The following EHBP1 variants were observed in gnomAD, a reference collection of about 807,000 sequenced individuals.
EHBP1 encodes EH domain-binding protein 1.
A neutral mutation model predicts 144.0 loss-of-function variants in EHBP1; 55 were observed. The ratio of observed to expected loss-of-function variants is 0.38; its 90% CI spans 0.31 to 0.48. The LOEUF (loss-of-function observed/expected upper bound fraction) is 0.48, where lower values mean the gene tolerates loss of function less well. EHBP1 is among the 20% of genes least tolerant of loss of function. The pLI, the probability that EHBP1 is intolerant of heterozygous loss-of-function variation, is 0.98. For synonymous variants in EHBP1, 469 were observed against 472.7 expected (o/e 0.99, Z 0.10); for missense variants, 1,200 against 1,364.2 (o/e 0.88, Z 1.90).
chr2:62,906,744 C>A (rs1164325528), intron 10 of EHBP1, among the ~76,000 whole-genome samples: 2 of 152,166 alleles, frequency 1.3e-5, no homozygotes, highest in Non-Finnish European at 2.9e-5. Flanking sequence ...CAAAACATTT[C>A]TTTCACCACA....
chr2:62,812,901 AT>A (rs2045134437), intron 5 of EHBP1, among the ~76,000 whole-genome samples: 1 of 152,246 alleles, frequency 6.6e-6, no homozygotes, highest in Admixed American at 6.5e-5. Flanking sequence ...GTGAAAAGGC[AT>A]CTTTAGGAGA....
chr2:62,715,643 A>G (rs1290758515), intron 2 of EHBP1, among the ~76,000 whole-genome samples: 3 of 152,054 alleles, frequency 2.0e-5, no homozygotes, highest in Admixed American at 2.0e-4. Context: ...AAAGGAATGG[A>G]CCTGACTTCC....
intron 10 of EHBP1, among the ~76,000 whole-genome samples, chr2:62,874,945 C>A (rs1308002232): frequency 6.6e-6 from 1 of 152,054 alleles, no homozygotes; most frequent in Non-Finnish European, 1.5e-5. Context: ...CATTGATGGG[C>A]TTGTGCACAG....
intron 13 of EHBP1, 143 bp from the exon 14 acceptor site, chr2:62,955,374 T>C (rs2057632892): frequency 2.8e-6 from 2 of 708,866 alleles, no homozygotes; most frequent in Non-Finnish European, 4.4e-6. Context: ...TCAACATTAA[T>C]ATTCTCTATA....
intron 5 of EHBP1, among the ~76,000 whole-genome samples, chr2:62,820,736 TAATATATA>T (rs1376350297): frequency 4.1e-5 from 3 of 72,814 alleles, no homozygotes; most frequent in African/African-American, 1.1e-4. Context: ...TGTGTGTGTA[TAATATATA>T]TATATATATA....
chr2:62,948,534 A>G lies in EHBP1; in HGVS notation c.1688A>G (p.Gln563Arg). The part of the protein sequence containing the change: ...LSDLKREPEL[Q>R]QPISGAVDFL... ...GATCTGAAGCGGGAGCCTGAACTAC[A>G]ACAGCCTATCAGCGGAGCAGTAGAC... Residue 563 changes from glutamine (Q) to arginine (R), a missense_variant, in exon 13 of 23, where the codon CAA becomes CGA. This residue lies in a region of EHBP1 where 543 missense variants were observed against 513.1 expected (regional missense o/e 1.06). Transcript: ENST00000431489. The G allele has an allele frequency of 1.2e-6, 2 of 1,614,156 alleles. No individual in the cohort carries two copies. Among genetic ancestry groups the G allele is most frequent in the Non-Finnish European group, 1.7e-6 (2 of 1,179,988 alleles).
At chr2:63,026,003 T>C (rs368393756) in intron 19 of EHBP1, among the ~76,000 whole-genome samples, 5 of 152,206 alleles carry the variant, frequency 3.3e-5, no homozygotes, top group South Asian at 4.2e-4. Flanking sequence ...TTTGGGTGCA[T>C]TGAGGGGATT....
Position 63,045,575 on chromosome 2 carries a change from TTGA to T in EHBP1, c.*77_*79del. The T allele has an allele frequency of 8.0e-7, 1 of 1,257,424 alleles. No homozygotes were observed. Among genetic ancestry groups the T allele is most frequent in the Non-Finnish European group, 1.1e-6 (1 of 881,182 alleles). 77.9% of individuals were successfully genotyped at this position (1,257,424 alleles called of 1,614,324 possible). On this transcript the variant is annotated 3_prime_UTR_variant, in exon 23 of 23. Transcript: ENST00000431489. This position sits in a 1 kb window ranked among gnomAD's most constrained non-coding sequence, Gnocchi z 5.7. ...AAACCAGAAAAAGTCAGACTCATTG[TTGA>T]TTTAAAACTTTTAACATTTTGTTTG...
At chr2:62,852,699 G>GA (rs1054082093) in intron 7 of EHBP1, among the ~76,000 whole-genome samples, 8 of 149,754 alleles carry the variant, frequency 5.3e-5, no homozygotes, top group South Asian at 2.1e-4. Context: ...AGTAAAGAAT[G>GA]AAAAAAAAAT....
intron 10 of EHBP1, among the ~76,000 whole-genome samples, chr2:62,877,901 G>T (rs7585883): frequency 6.6e-6 from 1 of 152,174 alleles, no homozygotes; most frequent in East Asian, 1.9e-4. Context: ...AATTAACAAC[G>T]TTATACCACA....
intron 2 of EHBP1, among the ~76,000 whole-genome samples, chr2:62,710,006 C>T (rs1261165837): frequency 6.6e-6 from 1 of 152,040 alleles, no homozygotes; most frequent in African/African-American, 2.4e-5. Context: ...CCCTACTCTT[C>T]TTGTTGTCCT....
intron 7 of EHBP1, among the ~76,000 whole-genome samples, chr2:62,842,976 T>C (rs1286623577): frequency 1.3e-5 from 2 of 152,236 alleles, no homozygotes; most frequent in Non-Finnish European, 2.9e-5. Context: ...TTAGATTTCA[T>C]AGCTAAACCC....
Position 62,707,188 on chromosome 2 carries a change from C to A in EHBP1, c.-4C>A. ...GAACTGCTCCAGTGTCTTGACTGAT[C>A]ATCATGGCTTCAGTTTGGAAGAGAC... On this transcript the variant is annotated 5_prime_UTR_variant, in exon 2 of 23. Coordinates refer to ENST00000431489, the MANE Select transcript of EHBP1 (RefSeq NM_001142616.3). The A allele has an allele frequency of 1.9e-6, 3 of 1,613,492 alleles. No homozygotes were observed. Among genetic ancestry groups the A allele is most frequent in the Admixed American group, 3.3e-5 (2 of 60,030 alleles).
chr2:62,859,308 T>C lies in EHBP1; in HGVS notation c.757+17T>C. 6.3e-7 allele frequency: 1 copy of C among 1,593,772 alleles called. No individual in the cohort carries two copies. The highest frequency in any genetic ancestry group is 8.6e-7 in the Non-Finnish European group (1 of 1,166,734). Reference sequence around the variant, plus strand: ...ACTCAGAAGGTAGCAAGTTTTTCTGTAATTTTAAAGTCTTTGTATAGTCAA... The same window carrying C: ...ACTCAGAAGGTAGCAAGTTTTTCTGCAATTTTAAAGTCTTTGTATAGTCAA... On this transcript the variant is annotated intron_variant, in intron 8 of 22. Transcript: ENST00000431489.
In EHBP1 at chr2:62,864,998, C is replaced by T. The variant is rs776203485; in HGVS notation, c.998+27C>T. ...TAAGTACATTTCATTTTGCTGTCAT[C>T]ACAAGTTAGTCTCTATGTTACCTAA... is the stretch of plus-strand genomic sequence containing the variant. On this transcript the variant is annotated intron_variant, in intron 9 of 22. Transcript: ENST00000431489. 2.5e-6 allele frequency: 4 copies of T among 1,608,190 alleles called. No individual in the cohort carries two copies. The South Asian group carries it at 3.3e-5, about 13-fold the overall frequency.
rs374200949 is a variant in EHBP1, at chr2:62,728,730, T to A, written c.105-18665T>A. On this transcript the variant is annotated intron_variant, in intron 2 of 22. Transcript: ENST00000431489. ...GGTGTTTTTAAAAAAGGGCTTAATT[T>A]TCATAAAATGTAGTGTGTCTATTAA... is the stretch of plus-strand genomic sequence containing the variant. Among the ~76,000 whole-genome samples, 49 of 152,218 alleles carry A rather than the reference T, an allele frequency of 3.2e-4. No individual in the cohort carries two copies. The South Asian group carries it at 9.8e-3, about 30-fold the overall frequency.
intron 10 of EHBP1, among the ~76,000 whole-genome samples, chr2:62,922,147 C>G (rs1455882476): frequency 1.3e-5 from 2 of 152,082 alleles, no homozygotes; most frequent in African/African-American, 4.8e-5. Context: ...TGCACTCCAG[C>G]CTGAGCGACA....
intron 19 of EHBP1, among the ~76,000 whole-genome samples, chr2:63,011,199 G>C (rs999542200): frequency 6.7e-6 from 1 of 148,252 alleles, no homozygotes; most frequent in Non-Finnish European, 1.5e-5. Context: ...GGCACGTTGA[G>C]AAAAGAAGTT....
intron 6 of EHBP1, among the ~76,000 whole-genome samples, chr2:62,830,579 T>C (rs1395960908): frequency 1.3e-5 from 2 of 152,222 alleles, no homozygotes; most frequent in African/African-American, 4.8e-5. Context: ...GTGAATATTT[T>C]CTCCCACTCT....
Sources: allele counts gnomAD v4.1 joint callset (sites outside exome capture counted in the v4.1 genomes callset), GRCh38; gene constraint gnomAD v4.1.1; regional missense constraint gnomAD v4.1.1; non-coding constraint Gnocchi (gnomAD v3.1); transcripts MANE v1.5; gene names NCBI Gene and HGNC (gene_info 2026-07-23, HGNC 2026-07-21).